The following FTO variants were observed in gnomAD, a reference collection of about 807,000 sequenced individuals.
FTO encodes the protein alpha-ketoglutarate-dependent dioxygenase FTO.
A neutral mutation model predicts 63.9 loss-of-function variants in FTO; 47 were observed. The observed-to-expected ratio is 0.74, with a 90% CI of 0.58 to 0.94. The LOEUF (loss-of-function observed/expected upper bound fraction) is 0.94. Ranked by LOEUF, FTO falls within the 40% of genes least tolerant of loss-of-function variation. The pLI is 0.00. For synonymous variants in FTO, 207 were observed against 224.4 expected (o/e 0.92, Z 0.69); for missense variants, 562 against 618.1 (o/e 0.91, Z 0.96).
intron 8 of FTO, among the ~76,000 whole-genome samples, chr16:54,055,086 T>G (rs1164671764): frequency 6.6e-6 from 1 of 152,132 alleles, no homozygotes; most frequent in Non-Finnish European, 1.5e-5. Context: ...CAAGATTAAT[T>G]TAGCTTCCGT....
intron 8 of FTO, among the ~76,000 whole-genome samples, chr16:54,068,447 C>G (rs1245010436): frequency 2.0e-5 from 3 of 152,116 alleles, no homozygotes; most frequent in African/African-American, 7.2e-5. Context: ...ATATGTTCAC[C>G]CAGGGGTGAG....
chr16:54,103,057 G>T (rs1444883776), intron 8 of FTO, among the ~76,000 whole-genome samples: 1 of 152,182 alleles, frequency 6.6e-6, no homozygotes, highest in African/African-American at 2.4e-5. Flanking sequence ...TTGGGAGGCT[G>T]AGGATCACTG....
intron 8 of FTO, among the ~76,000 whole-genome samples, chr16:53,960,252 C>T (rs1036891609): frequency 6.6e-6 from 1 of 152,104 alleles, no homozygotes; most frequent in Non-Finnish European, 1.5e-5. Flanking sequence ...TCACACCCTG[C>T]CAGGGGAAGG....
At chr16:53,739,877 A>G (rs187689565) in intron 1 of FTO, among the ~76,000 whole-genome samples, 1 of 152,166 alleles carries the variant, frequency 6.6e-6, no homozygotes, top group Admixed American at 6.5e-5. Context: ...AAATATTTGC[A>G]TGTACTTAAA....
intron 1 of FTO, among the ~76,000 whole-genome samples, chr16:53,738,730 C>A (rs907853942): frequency 6.6e-6 from 1 of 152,166 alleles, no homozygotes; most frequent in African/African-American, 2.4e-5. Context: ...TTTCTCTACA[C>A]CCTTGCCAAC....
intron 8 of FTO, among the ~76,000 whole-genome samples, chr16:54,028,557 C>T (rs1287878007): frequency 2.6e-5 from 4 of 152,292 alleles, no homozygotes; most frequent in Non-Finnish European, 4.4e-5. Context: ...TGTTGTTAAA[C>T]GATACTACCG....
intron 8 of FTO, chr16:54,063,741 C>CGTA (rs1451885872): frequency 6.9e-6 from 1 of 144,508 alleles, no homozygotes; most frequent in Non-Finnish European, 1.5e-5. Flanking sequence ...CAGAGGTATG[C>CGTA]GTAGCTATAT....
At chr16:53,823,137 C>G (rs1023436289) in intron 2 of FTO, among the ~76,000 whole-genome samples, 3 of 152,342 alleles carry the variant, frequency 2.0e-5, no homozygotes, top group Non-Finnish European at 2.9e-5. Flanking sequence ...CAGCACTCTA[C>G]TGAGATTGCT....
At chr16:53,918,814 C>G (rs1164565718) in intron 7 of FTO, among the ~76,000 whole-genome samples, 1 of 152,178 alleles carries the variant, frequency 6.6e-6, no homozygotes, top group Non-Finnish European at 1.5e-5. Flanking sequence ...TCAGTATGTT[C>G]CATTCCATAT....
At chr16:53,858,588 T>A (rs1160144717) in intron 4 of FTO, among the ~76,000 whole-genome samples, 1 of 152,198 alleles carries the variant, frequency 6.6e-6, no homozygotes, top group Non-Finnish European at 1.5e-5. Flanking sequence ...TATGGAATGC[T>A]CAGTTTGTTG....
At chr16:53,821,615 C>T (rs1310580802) in intron 2 of FTO, among the ~76,000 whole-genome samples, 1 of 152,194 alleles carries the variant, frequency 6.6e-6, no homozygotes, top group Non-Finnish European at 1.5e-5. Context: ...TTCTCTTTGT[C>T]ACTTTCAATT....
chr16:53,791,358 G>T (rs1430739800), intron 1 of FTO, among the ~76,000 whole-genome samples: 2 of 152,152 alleles, frequency 1.3e-5, no homozygotes, highest in Non-Finnish European at 2.9e-5. Flanking sequence ...TCTGGAGCTG[G>T]TGCTCTTCAT....
intron 8 of FTO, among the ~76,000 whole-genome samples, chr16:54,074,917 A>T (rs3859090): frequency 0.47 from 62,248 of 133,850 alleles, 15,417 homozygotes; most frequent in African/African-American, 0.69. Flanking sequence ...AGAGAGAGAG[A>T]GTGTGTGTGT....
chr16:53,956,950 C>G (rs1454966360), intron 8 of FTO, among the ~76,000 whole-genome samples: 2 of 152,236 alleles, frequency 1.3e-5, no homozygotes, highest in African/African-American at 4.8e-5. Context: ...CAGGCATGAA[C>G]CACCGCACCT....
intron 1 of FTO, among the ~76,000 whole-genome samples, chr16:53,752,440 A>G (rs765581157): frequency 2.6e-5 from 4 of 152,246 alleles, no homozygotes; most frequent in South Asian, 2.1e-4. Flanking sequence ...TAAACCAAAT[A>G]TGGTATAGCC....
intron 6 of FTO, among the ~76,000 whole-genome samples, chr16:53,886,476 G>T (rs1475248182): frequency 2.0e-5 from 3 of 152,172 alleles, no homozygotes; most frequent in Non-Finnish European, 4.4e-5. Context: ...TAAGTATGTT[G>T]TTAAACCAGT....
intron 1 of FTO, among the ~76,000 whole-genome samples, chr16:53,750,134 T>A (rs541729753): frequency 6.6e-6 from 1 of 152,346 alleles, no homozygotes; most frequent in South Asian, 2.1e-4. Context: ...ATTTGGCATG[T>A]TTAATTGGTA....
intron 1 of FTO, among the ~76,000 whole-genome samples, chr16:53,739,388 C>G (rs987871047): frequency 6.5e-5 from 7 of 107,452 alleles, no homozygotes; most frequent in African/African-American, 1.4e-4. Context: ...TTTTTTTTTT[C>G]TATTTTTAGT....
At chr16:53,963,941 C>T (rs2083141665) in intron 8 of FTO, among the ~76,000 whole-genome samples, 1 of 152,160 alleles carries the variant, frequency 6.6e-6, no homozygotes, top group Non-Finnish European at 1.5e-5. Context: ...TTAGTAGAGA[C>T]AGGGTTTCAC....
Sources: allele counts gnomAD v4.1 joint callset (sites outside exome capture counted in the v4.1 genomes callset), GRCh38; gene constraint gnomAD v4.1.1; transcripts MANE v1.5; gene names NCBI Gene and HGNC (gene_info 2026-07-23, HGNC 2026-07-21).